MEX3A: variants seen among roughly 807,000 people sequenced by gnomAD.
MEX3A encodes mex-3 RNA binding family member A, also known as RNA-binding protein MEX3A.
A neutral mutation model predicts 30.0 loss-of-function variants in MEX3A; 4 were observed. The observed-to-expected ratio is 0.13, with a 90% CI of 0.07 to 0.30. The LOEUF is 0.30. MEX3A is among the 10% of genes least tolerant of loss of function. The pLI, the probability that MEX3A is intolerant of heterozygous loss-of-function variation, is 1.00. For missense variants in MEX3A, 555 were observed against 736.7 expected (o/e 0.75, Z 2.86); for synonymous variants, 335 against 327.6 (o/e 1.02, Z -0.24).
rs1647987035 is a variant in MEX3A at position 156,073,976 on chromosome 1, G to A, written c.*2598C>T. On this transcript the variant is annotated 3_prime_UTR_variant, in exon 2 of 2. Transcript: ENST00000532414. ...GAGGGGGAGGGGGAGAGGGGAGGAG[G>A]AGTCCATGGAGTGAAATCCAATCTA... is the stretch of plus-strand genomic sequence containing the variant. 6.6e-6 allele frequency: 1 copy of A among 152,434 alleles called. No individual in the cohort carries two copies. The highest frequency in any genetic ancestry group is 2.4e-5 in the African/African-American group (1 of 41,378). 9.4% of individuals were successfully genotyped at this position (152,434 alleles called of 1,614,324 possible).
rs147120945 is a variant in MEX3A at position 156,082,029 on chromosome 1, G to GGA, written c.-33_-32dup. ...AACAAAAGCTGGGGGAGAGAGAGAG[G>GGA]GAGAGAGAGAGAGAGAGGTGGTGGA... On this transcript the variant is annotated 5_prime_UTR_variant, in exon 1 of 2. Transcript: ENST00000532414. 1.4e-3 allele frequency: 1,688 copies of GGA among 1,218,402 alleles called. 1 individual carries two copies. Among genetic ancestry groups the GGA allele is most frequent in the East Asian group, 1.6e-3 (38 of 23,374 alleles). The allele number at this position is 1,218,402 out of a possible 1,614,324, so 75.5% of individuals were successfully genotyped here.
chr1:156,081,058 C>G (rs1436091623), intron 1 of MEX3A, among the ~76,000 whole-genome samples: 1 of 152,156 alleles, frequency 6.6e-6, no homozygotes, highest in African/African-American at 2.4e-5. Flanking sequence ...CATTCCTACA[C>G]TCAGCCCAAC....
Position 156,077,474 on chromosome 1 carries a change from G to T in MEX3A, c.663C>A (p.Pro221=). Residue 221 remains proline (P), a synonymous_variant, in exon 2 of 2, where the codon CCC becomes CCA. Transcript: ENST00000532414. The surrounding 1 kb of genome is among the most constrained non-coding windows in gnomAD (Gnocchi z 8.3). ...CCCGCACACGGATGGTCACCTGGCC[G>T]GGCAGAGCAGGAGCCACACCAAAGG... ...GAAFGVAPAL[P]GQVTIRVRVP... The T allele has an allele frequency of 6.2e-7, 1 of 1,613,202 alleles. No individual in the cohort carries two copies. The highest frequency in any genetic ancestry group is 1.1e-5 in the South Asian group (1 of 91,004).
Position 156,073,802 on chromosome 1 carries a change from G to A in MEX3A, c.*2772C>T, listed in dbSNP as rs866637357. ...CTGAGGGTTCCTATAGGCCTGCTAG[G>A]CCTTAATTCTGGATTCCCCCTCCTC... On this transcript the variant is annotated 3_prime_UTR_variant, in exon 2 of 2. Transcript: ENST00000532414. The A allele has an allele frequency of 4.6e-5, 7 of 152,666 alleles. No individual in the cohort carries two copies. The Middle Eastern group carries it at 0.01, about 223-fold the overall frequency. 9.5% of individuals were successfully genotyped at this position (152,666 alleles called of 1,614,324 possible). A position where few individuals can be genotyped will look rare whatever the true frequency, so the allele number is the denominator to read the frequency against.
chr1:156,078,590 CAAAG>C (rs887527212), intron 1 of MEX3A, among the ~76,000 whole-genome samples: 2 of 152,026 alleles, frequency 1.3e-5, no homozygotes, highest in South Asian at 2.1e-4. Flanking sequence ...AAAAATGAGA[CAAAG>C]AGAGACAAAG....
rs1392266968 is a variant in MEX3A, at chr1:156,072,636, G to A, written c.*3938C>T. ...AAATGTTGATTTCTCACACGCAGAA[G>A]CCAAGCCCTCCAGTTTTGTGTGGGG... On this transcript the variant is annotated 3_prime_UTR_variant, in exon 2 of 2. Transcript: ENST00000532414. 6.5e-6 allele frequency: 1 copy of A among 152,808 alleles called. No individual in the cohort carries two copies. The highest frequency in any genetic ancestry group is 2.4e-5 in the African/African-American group (1 of 41,448). The allele number at this position is 152,808 out of a possible 1,614,324, so 9.5% of individuals were successfully genotyped here. A position where few individuals can be genotyped will look rare whatever the true frequency, so the allele number is the denominator to read the frequency against.
chr1:156,075,877 CA>C lies in MEX3A; in HGVS notation c.*696del, dbSNP rs1190811785. 6.6e-6 allele frequency: 1 copy of C among 152,410 alleles called. No homozygotes were observed. The highest frequency in any genetic ancestry group is 1.5e-5 in the Non-Finnish European group (1 of 68,192). 9.4% of individuals were successfully genotyped at this position (152,410 alleles called of 1,614,324 possible). A position where few individuals can be genotyped will look rare whatever the true frequency, so the allele number is the denominator to read the frequency against. On this transcript the variant is annotated 3_prime_UTR_variant, in exon 2 of 2. Coordinates refer to ENST00000532414, the MANE Select transcript of MEX3A (RefSeq NM_001093725.2). The stretch of plus-strand genomic sequence containing the variant: ...GAGTGAAGGGAAACACTGCAGGGGA[CA>C]GGGGCAGAGAGGAGGACTCCTCTCC...
At position 156,076,422 on chromosome 1, in the gene MEX3A, C is replaced by CATTAAA; in HGVS notation, c.*151_*152insTTTAAT. ...AGAGGCTCTGAAAGTGGCGCACCCT[C>CATTAAA]CAGCCACCACTGCCTCCCTCCCCCC... is the stretch of plus-strand genomic sequence containing the variant. On this transcript the variant is annotated 3_prime_UTR_variant, in exon 2 of 2. Transcript: ENST00000532414. The surrounding 1 kb of genome is among the most constrained non-coding windows in gnomAD (Gnocchi z 6.0). 1.2e-6 allele frequency: 1 copy of CATTAAA among 804,722 alleles called. No homozygotes were observed. The highest frequency in any genetic ancestry group is 1.9e-5 in the South Asian group (1 of 51,548). 49.8% of individuals were successfully genotyped at this position (804,722 alleles called of 1,614,324 possible). A position where few individuals can be genotyped will look rare whatever the true frequency, so the allele number is the denominator to read the frequency against.
rs1648118277 is a variant in MEX3A, at chr1:156,077,967, C to T, written c.455-285G>A. Among the ~76,000 whole-genome samples the T allele has an allele frequency of 6.6e-6, 1 of 152,130 alleles. No homozygotes were observed. Among genetic ancestry groups the T allele is most frequent in the Admixed American group, 6.5e-5 (1 of 15,268 alleles). On this transcript the variant is annotated intron_variant, in intron 1 of 1. Transcript: ENST00000532414. The surrounding 1 kb of genome is among the most constrained non-coding windows in gnomAD (Gnocchi z 8.3). ...CCAAATTCATTCACTCCTCAAAACCCCCAAATAATCACTGACCCTCCCATA... is the reference window on the plus strand; with the variant it reads ...CCAAATTCATTCACTCCTCAAAACCTCCAAATAATCACTGACCCTCCCATA...
At position 156,082,415 on chromosome 1, in the gene MEX3A, G is replaced by A. The variant is rs1315573734; in HGVS notation, c.-417C>T. 6.6e-6 allele frequency among the ~76,000 whole-genome samples: 1 copy of A among 152,088 alleles called. No individual in the cohort carries two copies. Among genetic ancestry groups the A allele is most frequent in the African/African-American group, 2.4e-5 (1 of 41,442 alleles). On this transcript the variant is annotated 5_prime_UTR_variant, in exon 1 of 2. Coordinates refer to ENST00000532414, the MANE Select transcript of MEX3A (RefSeq NM_001093725.2). ...CACCGAGCCCCAGTCCGGGAGCGGC[G>A]CTCAGTGGCCCCCAATAGAGCCCAG...
rs1200802934 is a variant in MEX3A at position 156,081,428 on chromosome 1, T to C, written c.454+117A>G. 6 of 884,942 alleles carry C rather than the reference T, an allele frequency of 6.8e-6. No homozygotes were observed. In the East Asian group the frequency reaches 9.0e-5, roughly 13 times the overall value. 54.8% of individuals were successfully genotyped at this position (884,942 alleles called of 1,614,324 possible). ...AATCAGGGTAGGGGGCGGGTCCCCC[T>C]TTGTGGGGAAGGGACAGAGCCGGAG... On this transcript the variant is annotated intron_variant, in intron 1 of 1. Coordinates refer to ENST00000532414, the MANE Select transcript of MEX3A (RefSeq NM_001093725.2).
In MEX3A at chr1:156,076,778, A is replaced by C; in HGVS notation, c.1359T>G (p.Ser453=). The C allele has an allele frequency of 6.3e-7, 1 of 1,586,440 alleles. No individual in the cohort carries two copies. Among genetic ancestry groups the C allele is most frequent in the South Asian group, 1.1e-5 (1 of 88,148 alleles). Residue 453 remains serine, a synonymous_variant, in exon 2 of 2, where the codon TCT becomes TCG. Coordinates refer to ENST00000532414, the MANE Select transcript of MEX3A (RefSeq NM_001093725.2). The surrounding 1 kb of genome is among the most constrained non-coding windows in gnomAD (Gnocchi z 6.0). ...TCCGCAGGCCGCCCCCACCAAGTTTAGAGAAGCCCTGGAGCGGCTCTCCCG... is the reference window on the plus strand; with the variant it reads ...TCCGCAGGCCGCCCCCACCAAGTTTCGAGAAGCCCTGGAGCGGCTCTCCCG... ...RPPGEPLQGF[S]KLGGGGLRSP... is the part of the protein sequence containing the mutation.
Position 156,077,037 on chromosome 1 carries a change from C to T in MEX3A, c.1100G>A (p.Gly367Glu). Residue 367 changes from glycine to glutamate, a missense_variant, in exon 2 of 2, where the codon GGG becomes GAG. By Grantham distance (98) the Gly-to-Glu change is moderately conservative. Around this residue, in one of 6 missense-constraint regions of MEX3A, gnomAD observed 281 missense variants for 265.1 expected, o/e 1.06. Transcript: ENST00000532414. This position sits in a 1 kb window ranked among gnomAD's most constrained non-coding sequence, Gnocchi z 8.3. ...CACGCCATAGCCCGGAAAGAGGTAC[C>T]CGCCGTAGCCAAAGTCCCCGCCCTG... ...GEQGGDFGYG[G>E]YLFPGYGVGK... The T allele has an allele frequency of 3.1e-6, 5 of 1,613,832 alleles. No individual in the cohort carries two copies. The highest frequency in any genetic ancestry group is 4.2e-6 in the Non-Finnish European group (5 of 1,179,830).
rs1373487966 is a variant in MEX3A, at chr1:156,076,993, A to G, written c.1144T>C (p.Tyr382His). The G allele has an allele frequency of 6.8e-6, 11 of 1,613,332 alleles. No individual in the cohort carries two copies. Among genetic ancestry groups the G allele is most frequent in the Non-Finnish European group, 6.8e-6 (8 of 1,179,742 alleles). Reference protein sequence around the residue: ...GYGVGKQDVYYGVAETSPPLW... With the variant: ...GYGVGKQDVYHGVAETSPPLW... ...GGGGGGCTAGTCTCGGCCACGCCGT[A>G]GTACACATCCTGCTTGCCCACGCCA... Residue 382 changes from tyrosine (Y) to histidine (H), a missense_variant, in exon 2 of 2, where the codon TAC becomes CAC. Coordinates refer to ENST00000532414, the MANE Select transcript of MEX3A (RefSeq NM_001093725.2). This position sits in a 1 kb window ranked among gnomAD's most constrained non-coding sequence, Gnocchi z 6.0.
In MEX3A at chr1:156,082,412, G is replaced by A. The variant is rs977506491; in HGVS notation, c.-414C>T. Among the ~76,000 whole-genome samples the A allele has an allele frequency of 4.6e-5, 7 of 152,082 alleles. No individual in the cohort carries two copies. Among genetic ancestry groups the A allele is most frequent in the Admixed American group, 2.0e-4 (3 of 15,276 alleles). ...CCGCACCGAGCCCCAGTCCGGGAGCGGCGCTCAGTGGCCCCCAATAGAGCC... is the reference window on the plus strand; with the variant it reads ...CCGCACCGAGCCCCAGTCCGGGAGCAGCGCTCAGTGGCCCCCAATAGAGCC... On this transcript the variant is annotated 5_prime_UTR_variant, in exon 1 of 2. Coordinates refer to ENST00000532414, the MANE Select transcript of MEX3A (RefSeq NM_001093725.2).
Position 156,082,029 on chromosome 1 carries a change from G to GGAGAGA in MEX3A, c.-37_-32dup. 1 of 1,226,882 alleles carries GGAGAGA rather than the reference G, an allele frequency of 8.2e-7. No individual in the cohort carries two copies. The highest frequency in any genetic ancestry group is 1.1e-6 in the Non-Finnish European group (1 of 919,682). The allele number at this position is 1,226,882 out of a possible 1,614,324, so 76.0% of individuals were successfully genotyped here. A position where few individuals can be genotyped will look rare whatever the true frequency, so the allele number is the denominator to read the frequency against. On this transcript the variant is annotated 5_prime_UTR_variant, in exon 1 of 2. Coordinates refer to ENST00000532414, the MANE Select transcript of MEX3A (RefSeq NM_001093725.2). The stretch of plus-strand genomic sequence containing the variant: ...AACAAAAGCTGGGGGAGAGAGAGAG[G>GGAGAGA]GAGAGAGAGAGAGAGAGGTGGTGGA...
At position 156,076,861 on chromosome 1, in the gene MEX3A, G is replaced by A; in HGVS notation, c.1276C>T (p.His426Tyr). ...AKARAGPPGA[H>Y]RSPATSAGPE... ...CCCGCGGAAGTGGCAGGGGAGCGGT[G>A]TGCGCCCGGGGGCCCAGCGCGGGCC... is the stretch of plus-strand genomic sequence containing the variant. The change falls in exon 2 of 2, where the codon CAC (histidine) becomes TAC (tyrosine). Residue 426 changes from histidine (H) to tyrosine (Y), a missense_variant. This residue lies in a region of MEX3A where 281 missense variants were observed against 265.1 expected (regional missense o/e 1.06). Transcript: ENST00000532414. This position sits in a 1 kb window ranked among gnomAD's most constrained non-coding sequence, Gnocchi z 6.0. The A allele has an allele frequency of 6.5e-7, 1 of 1,537,706 alleles. No homozygotes were observed. Among genetic ancestry groups the A allele is most frequent in the Non-Finnish European group, 8.8e-7 (1 of 1,141,452 alleles).
Position 156,076,470 on chromosome 1 carries a change from T to G in MEX3A, c.*104A>C. 8.0e-7 allele frequency: 1 copy of G among 1,253,156 alleles called. No homozygotes were observed. Among genetic ancestry groups the G allele is most frequent in the Non-Finnish European group, 1.1e-6 (1 of 915,456 alleles). The allele number at this position is 1,253,156 out of a possible 1,614,324, so 77.6% of individuals were successfully genotyped here. ...CCCTTCCCCAGCGAGCGAGTATCTC[T>G]AAGCACCTTGCCCCTCAAATCACCG... On this transcript the variant is annotated 3_prime_UTR_variant, in exon 2 of 2. Coordinates refer to ENST00000532414, the MANE Select transcript of MEX3A (RefSeq NM_001093725.2). The surrounding 1 kb of genome is among the most constrained non-coding windows in gnomAD (Gnocchi z 6.0).
Position 156,076,739 on chromosome 1 carries a change from CCCG to C in MEX3A, c.1395_1397del (p.Gly466del), listed in dbSNP as rs543251821. The C allele has an allele frequency of 6.2e-7, 1 of 1,608,928 alleles. No homozygotes were observed. The highest frequency in any genetic ancestry group is 8.5e-7 in the Non-Finnish European group (1 of 1,177,724). On this transcript the variant is annotated inframe_deletion, in exon 2 of 2. Coordinates refer to ENST00000532414, the MANE Select transcript of MEX3A (RefSeq NM_001093725.2). This position sits in a 1 kb window ranked among gnomAD's most constrained non-coding sequence, Gnocchi z 6.0. ...TCTCAAAGCAGACCATGCAATCCCGCCCGCCGCCGGGGCTCCGCAGGCCGCCCC... is the reference window on the plus strand; with the variant it reads ...TCTCAAAGCAGACCATGCAATCCCGCCCGCCGGGGCTCCGCAGGCCGCCCC...
Sources: allele counts gnomAD v4.1 joint callset (sites outside exome capture counted in the v4.1 genomes callset), GRCh38; gene constraint gnomAD v4.1.1; regional missense constraint gnomAD v4.1.1; non-coding constraint Gnocchi (gnomAD v3.1); transcripts MANE v1.5; gene names NCBI Gene and HGNC (gene_info 2026-07-23, HGNC 2026-07-21).